ZNF143: variants seen among roughly 807,000 people sequenced by gnomAD.
ZNF143 encodes the protein SPH-binding factor.
ZNF143 carries 49 observed loss-of-function variants against 74.1 expected under a neutral mutation model. The observed-to-expected ratio is 0.66, with a 90% CI of 0.53 to 0.84. ZNF143 has a LOEUF of 0.84. Ranked by LOEUF, ZNF143 falls within the 40% of genes least tolerant of loss-of-function variation. The probability of loss-of-function intolerance (pLI) is 0.00; values close to 1 mark genes in which losing one functional copy is unlikely to be tolerated. For synonymous variants in ZNF143, 304 were observed against 282.8 expected (o/e 1.07, Z -0.75); for missense variants, 637 against 793.4 (o/e 0.80, Z 2.37).
At chr11:9,514,918 C>T (rs1209912852) in intron 13 of ZNF143, among the ~76,000 whole-genome samples, 2 of 152,170 alleles carry the variant, frequency 1.3e-5, no homozygotes, top group Non-Finnish European at 2.9e-5. Flanking sequence ...CACCTGAGGT[C>T]AGGAGTTTGA....
In ZNF143 at chr11:9,523,174, A is replaced by G. The variant is rs563234982; in HGVS notation, c.1687-2066A>G. Among the ~76,000 whole-genome samples the G allele has an allele frequency of 1.7e-4, 26 of 151,324 alleles. No individual in the cohort carries two copies. In the East Asian group the frequency reaches 4.7e-3, roughly 27 times the overall value. ...TGGAGAATATTGATTTTTTTTTTCTATTAGCTAGTTAAATTACGTGTTGTG... is the reference window on the plus strand; with the variant it reads ...TGGAGAATATTGATTTTTTTTTTCTGTTAGCTAGTTAAATTACGTGTTGTG... On this transcript the variant is annotated intron_variant, in intron 14 of 15. Transcript: ENST00000396602.
At chr11:9,498,967 T>C (rs1848063118) in intron 10 of ZNF143, among the ~76,000 whole-genome samples, 1 of 152,218 alleles carries the variant, frequency 6.6e-6, no homozygotes, top group African/African-American at 2.4e-5. Flanking sequence ...GCACTTTTTA[T>C]TTATTGTATC....
At chr11:9,512,659 G>T in intron 13 of ZNF143, 63 bp downstream of exon 13, 2 of 1,599,042 alleles carry the variant, frequency 1.3e-6, no homozygotes, top group Non-Finnish European at 1.7e-6. Flanking sequence ...TGAAAGGCAG[G>T]CTGGGTCCCC....
In ZNF143 at chr11:9,490,278, TTTTTTTTTTTTTTTGC is replaced by T. The variant is rs1454143373; in HGVS notation, c.646-4352_646-4337del. Reference sequence around the variant, plus strand: ...GGTGGAATTATAACACACTTAAGCTTTTTTTTTTTTTTTTGCTTTTTTTTTTTTTTGAGACAGGGTC... The same window carrying T: ...GGTGGAATTATAACACACTTAAGCTTTTTTTTTTTTTTTTGAGACAGGGTC... On this transcript the variant is annotated intron_variant, in intron 7 of 15. Coordinates refer to ENST00000396602, the MANE Select transcript of ZNF143 (RefSeq NM_003442.6). Among the ~76,000 whole-genome samples, 365 of 138,752 alleles carry T rather than the reference TTTTTTTTTTTTTTTGC, an allele frequency of 2.6e-3. 9 individuals carry two copies. In the East Asian group the frequency reaches 0.062, roughly 24 times the overall value. The allele number at this position is 138,752 out of a possible 152,430, so 91.0% of individuals were successfully genotyped here. A position where few individuals can be genotyped will look rare whatever the true frequency, so the allele number is the denominator to read the frequency against.
At chr11:9,515,194 A>ATTTTG (rs981074392) in intron 13 of ZNF143, among the ~76,000 whole-genome samples, 3 of 152,064 alleles carry the variant, frequency 2.0e-5, no homozygotes, top group African/African-American at 7.2e-5. Flanking sequence ...GCATAATAAG[A>ATTTTG]TTTTGTTTTG....
chr11:9,520,025 A>ATTTTTTTTTTTTTTTTTTTTTTT (rs954404348), intron 14 of ZNF143, among the ~76,000 whole-genome samples: 1 of 91,386 alleles, frequency 1.1e-5, no homozygotes, highest in African/African-American at 4.8e-5. Context: ...GTTTCCACCA[A>ATTTTTTTTTTTTTTTTTTTTTTT]TTTTTTTTTT....
rs869310966 is a variant in ZNF143 at position 9,504,673 on chromosome 11, CTTTTTTTTT to C, written c.1147+3414_1147+3422del. On this transcript the variant is annotated intron_variant, in intron 11 of 15. Coordinates refer to ENST00000396602, the MANE Select transcript of ZNF143 (RefSeq NM_003442.6). ...ATTAAAAGACATTTTTTTCTTTTTT[CTTTTTTTTT>C]TTTTTTTTTTGAGACAGCGTCTCGC... Among the ~76,000 whole-genome samples the C allele has an allele frequency of 1.2e-3, 103 of 89,462 alleles. 12 individuals are homozygous for C. Among genetic ancestry groups the C allele is most frequent in the African/African-American group, 3.2e-3 (90 of 28,176 alleles). 58.7% of individuals were successfully genotyped at this position (89,462 alleles called of 152,430 possible).
chr11:9,507,910 T>TAGTTG (rs1197374753), intron 11 of ZNF143, among the ~76,000 whole-genome samples: 1 of 152,228 alleles, frequency 6.6e-6, no homozygotes, highest in Non-Finnish European at 1.5e-5. Flanking sequence ...CATGAACTGA[T>TAGTTG]AGTTGAAGCT....
At chr11:9,517,208 A>G (rs1056397537) in intron 14 of ZNF143, among the ~76,000 whole-genome samples, 1 of 151,932 alleles carries the variant, frequency 6.6e-6, no homozygotes, top group African/African-American at 2.4e-5. Flanking sequence ...TTTTTTAATG[A>G]TAGTAAACTA....
chr11:9,517,406 C>CAT (rs1164647173), intron 14 of ZNF143, among the ~76,000 whole-genome samples: 1 of 152,006 alleles, frequency 6.6e-6, no homozygotes, highest in Non-Finnish European at 1.5e-5. Context: ...TGTGATTTTG[C>CAT]ATATATATGT....
chr11:9,511,844 CG>C (rs1848560880), intron 12 of ZNF143, among the ~76,000 whole-genome samples: 1 of 150,186 alleles, frequency 6.7e-6, no homozygotes, highest in African/African-American at 2.5e-5. Context: ...CTCTGCCTCC[CG>C]GGTTCATGCC....
chr11:9,523,674 C>T (rs1378127538), intron 14 of ZNF143, among the ~76,000 whole-genome samples: 1 of 151,650 alleles, frequency 6.6e-6, no homozygotes, highest in African/African-American at 2.4e-5. Context: ...GCGGAGCTTG[C>T]AGTGAGCCAA....
intron 14 of ZNF143, among the ~76,000 whole-genome samples, chr11:9,523,322 C>T (rs188614413): frequency 1.4e-3 from 220 of 152,242 alleles, no homozygotes; most frequent in Non-Finnish European, 2.6e-3. Context: ...CTTCAAATTC[C>T]GTCTCTCTTT....
intron 13 of ZNF143, among the ~76,000 whole-genome samples, chr11:9,515,625 G>A (rs953362694): frequency 1.6e-4 from 24 of 149,406 alleles, no homozygotes; most frequent in African/African-American, 5.7e-4. Flanking sequence ...CTGCACTCCA[G>A]CCTGGGCAAC....
intron 5 of ZNF143, among the ~76,000 whole-genome samples, chr11:9,476,322 T>C (rs959116101): frequency 6.6e-6 from 1 of 152,126 alleles, no homozygotes; most frequent in Non-Finnish European, 1.5e-5. Flanking sequence ...TACTAAATGC[T>C]CAATAAATGT....
At chr11:9,465,645 G>A (rs909176338) in intron 1 of ZNF143, among the ~76,000 whole-genome samples, 5 of 148,702 alleles carry the variant, frequency 3.4e-5, no homozygotes, top group African/African-American at 7.5e-5. Context: ...GACTATAGGC[G>A]CCCGCCACCA....
intron 1 of ZNF143, among the ~76,000 whole-genome samples, chr11:9,470,923 C>T (rs1459530184): frequency 2.0e-5 from 3 of 151,944 alleles, no homozygotes; most frequent in African/African-American, 7.3e-5. Context: ...TAGCCAGATT[C>T]GGGGTAGATT....
intron 11 of ZNF143, among the ~76,000 whole-genome samples, chr11:9,506,713 A>C (rs1848376309): frequency 6.6e-6 from 1 of 152,240 alleles, no homozygotes; most frequent in Non-Finnish European, 1.5e-5. Context: ...GCTGGAAGAA[A>C]AGATTGGCTA....
At chr11:9,478,323 C>T in intron 5 of ZNF143, 67 bp from the exon 6 acceptor site, 4 of 1,531,626 alleles carry the variant, frequency 2.6e-6, no homozygotes, top group South Asian at 2.4e-5. Flanking sequence ...TTCTCTCTTC[C>T]TTTAAATATG....
Sources: gnomAD v4.1 joint callset for allele counts (sites outside exome capture counted in the v4.1 genomes callset) on GRCh38, gnomAD v4.1.1 for gene constraint, MANE v1.5 for transcripts, NCBI Gene and HGNC (gene_info 2026-07-23, HGNC 2026-07-21) for gene names.